The following POLR2F variants were observed in gnomAD, a reference collection of about 807,000 sequenced individuals.
POLR2F encodes DNA-directed RNA polymerases I, II, and III subunit RPABC2.
POLR2F carries 12 observed loss-of-function variants against 22.7 expected under a neutral mutation model. That is an observed-to-expected ratio of 0.53 (90% CI 0.34 to 0.86). POLR2F has a LOEUF of 0.86. Among genes scored for constraint, POLR2F ranks in the 40% least tolerant of loss-of-function variants. POLR2F has a pLI of 0.02. For synonymous variants in POLR2F, 57 were observed against 66.0 expected, an observed-to-expected ratio of 0.86 and a Z score of 0.66; for missense variants, 126 against 171.5, an observed-to-expected ratio of 0.73 and a Z score of 1.48.
At chr22:37,994,311 T>C (rs2084690737) in intron 1 of POLR2F, among the ~76,000 whole-genome samples, 1 of 152,172 alleles carries the variant, frequency 6.6e-6, no homozygotes, top group Non-Finnish European at 1.5e-5. Context: ...CCAGCTCACC[T>C]TCAGCTGTGT....
intron 1 of POLR2F, among the ~76,000 whole-genome samples, chr22:38,020,072 G>C (rs940968744): frequency 1.4e-4 from 22 of 151,850 alleles, no homozygotes; most frequent in Middle Eastern, 3.4e-3. Flanking sequence ...AGGTGGGCCG[G>C]CCGTGGTGGC....
chr22:38,010,531 A>T (rs1378609533), intron 1 of POLR2F, among the ~76,000 whole-genome samples: 3 of 149,862 alleles, frequency 2.0e-5, no homozygotes, highest in Non-Finnish European at 4.4e-5. Context: ...ACCTAGTCTG[A>T]TCAGTTTTTA....
chr22:37,974,577 T>C lies in POLR2F; in HGVS notation c.293+7407T>C, dbSNP rs1601879850. On this transcript the variant is annotated intron_variant, in intron 4 of 4. Transcript: ENST00000405557. This position sits in a 1 kb window ranked among gnomAD's most constrained non-coding sequence, Gnocchi z 5.4. ...CATGTTGGCCAGGGTTGTCTTGAAC[T>C]CCTGACCTCAGGTGATCCACCTGCC... 1.3e-5 allele frequency among the ~76,000 whole-genome samples: 2 copies of C among 152,214 alleles called. No individual in the cohort carries two copies. Among genetic ancestry groups the C allele is most frequent in the East Asian group, 3.9e-4 (2 of 5,178 alleles).
intron 5 of POLR2F, chr22:38,040,917 AC>A: frequency 8.1e-7 from 1 of 1,234,542 alleles, no homozygotes; most frequent in African/African-American, 1.5e-5. Context: ...AGGACCCTGG[AC>A]AGGAGTGGTC....
At chr22:37,954,495 G>A (rs962111808) in intron 1 of POLR2F, among the ~76,000 whole-genome samples, 4 of 152,076 alleles carry the variant, frequency 2.6e-5, no homozygotes, top group East Asian at 3.9e-4. Flanking sequence ...GTAGAGACGG[G>A]TTTCACCATG....
At chr22:38,020,431 ATTTTT>A (rs753386178) in intron 1 of POLR2F, among the ~76,000 whole-genome samples, 4 of 128,468 alleles carry the variant, frequency 3.1e-5, no homozygotes, top group African/African-American at 1.2e-4. Flanking sequence ...CACCTGGCTA[ATTTTT>A]TTTTTTTTTT....
intron 1 of POLR2F, among the ~76,000 whole-genome samples, chr22:38,012,425 C>T (rs776136348): frequency 6.6e-6 from 1 of 152,162 alleles, no homozygotes; most frequent in Non-Finnish European, 1.5e-5. Context: ...TTTACAGAAG[C>T]GTTGCCAAGG....
chr22:38,031,347 C>T (rs1214207924), downstream of POLR2F, among the ~76,000 whole-genome samples: 2 of 152,120 alleles, frequency 1.3e-5, no homozygotes, highest in South Asian at 2.1e-4. This position sits in a 1 kb window ranked among gnomAD's most constrained non-coding sequence, Gnocchi z 4.1. Flanking sequence ...AGGATGCCCT[C>T]GTTCCTTGGC....
chr22:37,987,645 C>G, intron 1 of POLR2F: 1 of 301,086 alleles, frequency 3.3e-6, no homozygotes, highest in Non-Finnish European at 6.6e-6. Flanking sequence ...AGTTGAGGCT[C>G]TGCCCCAGCC....
chr22:37,967,576 A>T (rs1029305173), intron 4 of POLR2F, 49 bp from the exon 5 acceptor site: 2 of 1,606,714 alleles, frequency 1.2e-6, no homozygotes, highest in African/African-American at 2.7e-5. Context: ...TCTGCGGCAG[A>T]GCTGGGGTCA....
intron 5 of POLR2F, among the ~76,000 whole-genome samples, chr22:38,036,888 C>T (rs1042531523): frequency 6.6e-5 from 10 of 152,128 alleles, no homozygotes; most frequent in African/African-American, 2.2e-4. Flanking sequence ...CTGTTGCCAC[C>T]GGCTGGAACA....
At chr22:37,982,575 C>T (rs1293225728), upstream of POLR2F, among the ~76,000 whole-genome samples, 2 of 152,138 alleles carry the variant, frequency 1.3e-5, no homozygotes, top group Non-Finnish European at 2.9e-5. Flanking sequence ...AGGTTTCCTT[C>T]TGGCCAGAGT....
In POLR2F at chr22:37,980,812, A is replaced by C. The variant is rs967379160; in HGVS notation, c.293+13642A>C. On this transcript the variant is annotated intron_variant, in intron 4 of 4. Coordinates refer to the POLR2F transcript ENST00000405557. This position sits in a 1 kb window ranked among gnomAD's most constrained non-coding sequence, Gnocchi z 4.1. Reference sequence around the variant, plus strand: ...GAAACCCCAACCGGGGACCTCCCACAGTGGGGCACTGATTGCTGCTACCTG... The same window carrying C: ...GAAACCCCAACCGGGGACCTCCCACCGTGGGGCACTGATTGCTGCTACCTG... 2.0e-5 allele frequency among the ~76,000 whole-genome samples: 3 copies of C among 152,216 alleles called. No homozygotes were observed. Among genetic ancestry groups the C allele is most frequent in the African/African-American group, 7.2e-5 (3 of 41,452 alleles).
intron 1 of POLR2F, among the ~76,000 whole-genome samples, chr22:37,993,184 C>T (rs1411540306): frequency 6.6e-6 from 1 of 152,174 alleles, no homozygotes; most frequent in African/African-American, 2.4e-5. Context: ...GTGGGCTGCA[C>T]ATGGCTCATG....
rs1366323443 is a variant in POLR2F, at chr22:38,017,044, C to G, written c.121-8825C>G. 6.6e-6 allele frequency among the ~76,000 whole-genome samples: 1 copy of G among 152,150 alleles called. No individual in the cohort carries two copies. The highest frequency in any genetic ancestry group is 2.4e-5 in the African/African-American group (1 of 41,440). On this transcript the variant is annotated intron_variant, in intron 1 of 2. Transcript: ENST00000333418. The surrounding 1 kb of genome is among the most constrained non-coding windows in gnomAD (Gnocchi z 4.1). The stretch of plus-strand genomic sequence containing the variant: ...CCTCTGCTGCCTGGCACCAGGTCCC[C>G]CCACCACTCTCCAGCCCTCCTGAGG...
At chr22:37,958,084 G>A (rs376085738) in intron 2 of POLR2F, among the ~76,000 whole-genome samples, 2 of 151,802 alleles carry the variant, frequency 1.3e-5, no homozygotes, top group Non-Finnish European at 2.9e-5. Context: ...TGGTCATAGC[G>A]CACTACAGCC....
chr22:38,030,581 C>A (rs551433028), downstream of POLR2F, among the ~76,000 whole-genome samples: 30 of 152,312 alleles, frequency 2.0e-4, no homozygotes, highest in African/African-American at 6.7e-4. Flanking sequence ...CCCTGCAAAC[C>A]GGAGCCCGAG....
intron 1 of POLR2F, among the ~76,000 whole-genome samples, chr22:37,989,422 G>A (rs887392390): frequency 1.3e-5 from 2 of 152,162 alleles, no homozygotes; most frequent in African/African-American, 2.4e-5. Flanking sequence ...CAGCCACCAC[G>A]GCCTCACAGT....
intron 1 of POLR2F, among the ~76,000 whole-genome samples, chr22:38,007,910 C>T (rs1490317814): frequency 2.0e-5 from 3 of 152,168 alleles, no homozygotes; most frequent in Non-Finnish European, 4.4e-5. Context: ...CTTCAGAGCT[C>T]TGCCACGGCA....
Sources: gnomAD v4.1 joint callset for allele counts (sites outside exome capture counted in the v4.1 genomes callset) on GRCh38, gnomAD v4.1.1 for gene constraint, Gnocchi (gnomAD v3.1) non-coding constraint, MANE v1.5 for transcripts, NCBI Gene and HGNC (gene_info 2026-07-23, HGNC 2026-07-21) for gene names.